The following SYT14 variants were observed in gnomAD, a reference collection of about 807,000 sequenced individuals.
The protein encoded by SYT14 is synaptotagmin-14.
In SYT14, 32 loss-of-function variants were observed where a neutral mutation model predicts 74.2. The ratio of observed to expected loss-of-function variants is 0.43; its 90% CI spans 0.33 to 0.58. The LOEUF (loss-of-function observed/expected upper bound fraction) is 0.58. Among genes scored for constraint, SYT14 ranks in the 20% least tolerant of loss-of-function variants. The pLI is 0.05. For synonymous variants in SYT14, 298 were observed against 337.7 expected (o/e 0.88, Z 1.29); for missense variants, 791 against 981.8 (o/e 0.81, Z 2.60).
chr1:209,949,534 C>G (rs1384566003), intron 1 of SYT14, among the ~76,000 whole-genome samples: 5 of 149,232 alleles, frequency 3.4e-5, no homozygotes, highest in African/African-American at 1.3e-4. Flanking sequence ...GATTGTGCCA[C>G]TGCACTCCAG....
At chr1:210,147,178 A>G (rs1314236131) in intron 7 of SYT14, among the ~76,000 whole-genome samples, 3 of 152,112 alleles carry the variant, frequency 2.0e-5, no homozygotes, top group African/African-American at 4.8e-5. Flanking sequence ...TACAAAAAAA[A>G]AGAATAAGAC....
At position 209,961,773 on chromosome 1, in the gene SYT14, C is replaced by T. The variant is rs56157885; in HGVS notation, c.-486+9017C>T. ...TCTGGAAGGCATGACCTGATTTTTT[C>T]TATTGTTTATTCTTTCAGTGGTTTG... On this transcript the variant is annotated intron_variant, in intron 2 of 9. Coordinates refer to ENST00000637265, the Ensembl canonical transcript of SYT14. Among the ~76,000 whole-genome samples, 459 of 151,522 alleles carry T rather than the reference C, an allele frequency of 3.0e-3. 3 individuals carry two copies. The highest frequency in any genetic ancestry group is 9.8e-3 in the African/African-American group (407 of 41,342).
chr1:210,071,891 T>C (rs1490350775), intron 5 of SYT14, among the ~76,000 whole-genome samples: 1 of 151,912 alleles, frequency 6.6e-6, no homozygotes, highest in Non-Finnish European at 1.5e-5. Flanking sequence ...TTTTTTATTA[T>C]GGGCTATATA....
At chr1:209,966,023 C>T in intron 2 of SYT14, 1 of 424,070 alleles carries the variant, frequency 2.4e-6, no homozygotes, top group Non-Finnish European at 4.7e-6. Context: ...GGTGCGTGCC[C>T]ACCACACCCA....
intron 7 of SYT14, among the ~76,000 whole-genome samples, chr1:210,145,302 C>T (rs952218009): frequency 7.9e-5 from 12 of 152,174 alleles, no homozygotes; most frequent in Admixed American, 1.3e-4. Context: ...TGCTCAAGCA[C>T]TCAGTCATGC....
At chr1:209,981,258 T>C (rs2079479129) in intron 2 of SYT14, among the ~76,000 whole-genome samples, 1 of 152,170 alleles carries the variant, frequency 6.6e-6, no homozygotes, top group Non-Finnish European at 1.5e-5. Context: ...GCAGGTATTG[T>C]TCTTTCATTT....
At chr1:210,147,243 A>G (rs2083059920) in intron 7 of SYT14, among the ~76,000 whole-genome samples, 1 of 152,184 alleles carries the variant, frequency 6.6e-6, no homozygotes, top group Non-Finnish European at 1.5e-5. Context: ...TCTAGAATGA[A>G]AAAGTCATTA....
exon 10 of SYT14, chr1:210,168,065 G>A (rs12033668): frequency 0.013 from 158 of 12,170 alleles, no homozygotes; most frequent in East Asian, 0.085. Flanking sequence ...TTGCTGTTTC[G>A]GTGGTGGTGG....
At chr1:210,107,638 T>G (rs186888889) in intron 7 of SYT14, among the ~76,000 whole-genome samples, 1 of 152,294 alleles carries the variant, frequency 6.6e-6, no homozygotes, top group Admixed American at 6.5e-5. Flanking sequence ...GAAGGATTAT[T>G]TAGAAAATAA....
intron 2 of SYT14, among the ~76,000 whole-genome samples, chr1:209,962,111 TTC>T (rs1161623518): frequency 6.6e-6 from 1 of 152,068 alleles, no homozygotes; most frequent in Non-Finnish European, 1.5e-5. Flanking sequence ...TGTCTTACTT[TTC>T]TTTCTTTCTT....
chr1:209,963,567 A>C (rs2079109549), intron 2 of SYT14, among the ~76,000 whole-genome samples: 1 of 152,334 alleles, frequency 6.6e-6, no homozygotes, highest in South Asian at 2.1e-4. Flanking sequence ...CAATAAAATT[A>C]ATTTTCTGGT....
chr1:210,071,771 A>AT (rs11373783), intron 5 of SYT14, among the ~76,000 whole-genome samples: 86,504 of 151,742 alleles, frequency 0.57, 26,819 homozygotes, highest in African/African-American at 0.82. Context: ...AATCCGAATA[A>AT]TTTTACTGAT....
Position 210,052,318 on chromosome 1 carries a change from T to G in SYT14, c.1312+31064T>G, listed in dbSNP as rs560648180. ...TCACTGCAAGCTCCGCCTCCCGGGT[T>G]CACGCCATTCTCTTGCCTCAGCCTC... On this transcript the variant is annotated intron_variant, in intron 5 of 9. Coordinates refer to ENST00000637265, the Ensembl canonical transcript of SYT14. Among the ~76,000 whole-genome samples the G allele has an allele frequency of 1.9e-3, 290 of 151,078 alleles. 1 individual carries two copies. The highest frequency in any genetic ancestry group is 6.8e-3 in the Middle Eastern group (2 of 292).
chr1:209,946,904 C>T (rs1160393151), intron 1 of SYT14, among the ~76,000 whole-genome samples: 3 of 152,138 alleles, frequency 2.0e-5, no homozygotes, highest in African/African-American at 7.2e-5. Context: ...GAAGCCAGTG[C>T]CCATTGACGA....
At position 210,100,361 on chromosome 1, in the gene SYT14, AAG is replaced by A; in HGVS notation, c.1936_1937del (p.Glu646LysfsTer35). Reference sequence around the variant, plus strand: ...CTGTATGGTGTACATCGCATGAAAAAAGAAAAGATTGTGGGGGAAAAGATTTT... The same window carrying A: ...CTGTATGGTGTACATCGCATGAAAAAAAAAGATTGTGGGGGAAAAGATTTT... On this transcript the variant is annotated frameshift_variant, in exon 7 of 10. Transcript: ENST00000637265. LOFTEE classifies it high-confidence loss of function. 6.2e-7 allele frequency: 1 copy of A among 1,614,000 alleles called. No individual in the cohort carries two copies. Among genetic ancestry groups the A allele is most frequent in the African/African-American group, 1.3e-5 (1 of 75,066 alleles).
At chr1:210,051,507 TCTG>T (rs2080995887) in intron 5 of SYT14, among the ~76,000 whole-genome samples, 1 of 152,226 alleles carries the variant, frequency 6.6e-6, no homozygotes, top group Non-Finnish European at 1.5e-5. Context: ...TTTTATTTCT[TCTG>T]CTTCATTCCC....
At chr1:210,110,515 C>G (rs2102577737) in intron 7 of SYT14, among the ~76,000 whole-genome samples, 1 of 152,180 alleles carries the variant, frequency 6.6e-6, no homozygotes, top group East Asian at 1.9e-4. Flanking sequence ...AATGAAAAGT[C>G]AAGAGGGAAT....
chr1:209,982,702 A>G (rs116790899), intron 2 of SYT14, among the ~76,000 whole-genome samples: 346 of 152,366 alleles, frequency 2.3e-3, no homozygotes, highest in African/African-American at 7.7e-3. Flanking sequence ...AACTTTTTTC[A>G]GTAAATATCA....
intron 7 of SYT14, among the ~76,000 whole-genome samples, chr1:210,151,890 A>G (rs1437540463): frequency 1.3e-5 from 2 of 152,170 alleles, no homozygotes; most frequent in Admixed American, 1.3e-4. Context: ...TTCTTTGGGC[A>G]TCGCTTTGTT....
Sources: allele counts gnomAD v4.1 joint callset (sites outside exome capture counted in the v4.1 genomes callset), GRCh38; gene constraint gnomAD v4.1.1; transcripts MANE v1.5; gene names NCBI Gene and HGNC (gene_info 2026-07-23, HGNC 2026-07-21).